The following SCN3A variants were observed in gnomAD, a reference collection of about 807,000 sequenced individuals.
SCN3A encodes the protein sodium channel protein type 3 subunit alpha.
In SCN3A, 60 loss-of-function variants were observed where a neutral mutation model predicts 187.6. The ratio of observed to expected loss-of-function variants is 0.32; its 90% CI spans 0.26 to 0.40. The LOEUF (loss-of-function observed/expected upper bound fraction) is 0.40. SCN3A is among the 10% of genes least tolerant of loss of function. The pLI, the probability that SCN3A is intolerant of heterozygous loss-of-function variation, is 1.00. For missense variants in SCN3A, 1,601 were observed against 2,428.2 expected (o/e 0.66, Z 7.16); for synonymous variants, 788 against 829.2 (o/e 0.95, Z 0.85).
rs187806800 is a variant in SCN3A, at chr2:165,133,348, T to C, written c.2392-1931A>G. Reference sequence around the variant, plus strand: ...ACATGCACACGTATGTTTATTTTCATTTTTTATTTTTATTATTTTTTTTTG... The same window carrying C: ...ACATGCACACGTATGTTTATTTTCACTTTTTATTTTTATTATTTTTTTTTG... On this transcript the variant is annotated intron_variant, in intron 15 of 27. Transcript: ENST00000283254. Among the ~76,000 whole-genome samples, 783 of 152,194 alleles carry C rather than the reference T, an allele frequency of 5.1e-3. 2 individuals carry two copies. The highest frequency in any genetic ancestry group is 0.018 in the African/African-American group (748 of 41,536).
chr2:165,193,182 G>T (rs1691719932), intron 1 of SCN3A, among the ~76,000 whole-genome samples: 1 of 152,012 alleles, frequency 6.6e-6, no homozygotes, highest in South Asian at 2.1e-4. Flanking sequence ...TCAAACCCAT[G>T]AACAAATGCA....
intron 18 of SCN3A, among the ~76,000 whole-genome samples, chr2:165,124,303 G>A (rs1221225102): frequency 2.0e-5 from 3 of 151,874 alleles, no homozygotes; most frequent in South Asian, 2.1e-4. Context: ...TTGAAATATC[G>A]GTGGTCATTA....
At chr2:165,100,225 T>A in intron 22 of SCN3A, 77 bp downstream of exon 22, 1 of 1,472,524 alleles carries the variant, frequency 6.8e-7, no homozygotes, top group Non-Finnish European at 9.5e-7. Context: ...ATCAGAAGAG[T>A]ATGGCACCCT....
intron 2 of SCN3A, among the ~76,000 whole-genome samples, chr2:165,177,466 T>G (rs185705416): frequency 1.3e-5 from 2 of 152,358 alleles, no homozygotes; most frequent in Admixed American, 6.5e-5. Flanking sequence ...AAGCACTATA[T>G]TATTGTAAAC....
rs1685157107 is a variant in SCN3A, at chr2:165,092,541, G to A, written c.4537-17C>T. 7 of 1,602,624 alleles carry A rather than the reference G, an allele frequency of 4.4e-6. No individual in the cohort carries two copies. The highest frequency in any genetic ancestry group is 3.4e-6 in the Non-Finnish European group (4 of 1,169,782). ...GAATTTGTTCTAGAAAGTGAGAGAA[G>A]AGAAATAAGGTTACTATATATATTT... On this transcript the variant is annotated splice_polypyrimidine_tract_variant and intron_variant, in intron 26 of 27. Transcript: ENST00000283254. The surrounding 1 kb of genome is among the most constrained non-coding windows in gnomAD (Gnocchi z 4.2).
chr2:165,173,880 C>T (rs1265568912), intron 3 of SCN3A, among the ~76,000 whole-genome samples: 1 of 152,110 alleles, frequency 6.6e-6, no homozygotes, highest in Non-Finnish European at 1.5e-5. Context: ...CTAGATGTCT[C>T]GCAAGATGGT....
Position 165,092,589 on chromosome 2 carries a change from T to A in SCN3A, c.4537-65A>T. ...TTTCATAAAGAATAATGCAGTAAAA[T>A]TGTAGATAAAGCCCTTCCACATACG... On this transcript the variant is annotated intron_variant, in intron 26 of 27. Transcript: ENST00000283254. This position sits in a 1 kb window ranked among gnomAD's most constrained non-coding sequence, Gnocchi z 4.2. 2.0e-6 allele frequency: 3 copies of A among 1,491,568 alleles called. No individual in the cohort carries two copies. Among genetic ancestry groups the A allele is most frequent in the South Asian group, 1.1e-5 (1 of 87,250 alleles). The allele number at this position is 1,491,568 out of a possible 1,614,324, so 92.4% of individuals were successfully genotyped here. A position where few individuals can be genotyped will look rare whatever the true frequency, so the allele number is the denominator to read the frequency against.
At chr2:165,099,886 G>A (rs983121751) in intron 22 of SCN3A, among the ~76,000 whole-genome samples, 19 of 152,290 alleles carry the variant, frequency 1.2e-4, no homozygotes, top group African/African-American at 4.1e-4. Context: ...AAGAAGCAAA[G>A]CACACAAAAC....
rs1278301329 is a variant in SCN3A, at chr2:165,131,249, T to G, written c.2560A>C (p.Arg854=). 2 of 1,584,064 alleles carry G rather than the reference T, an allele frequency of 1.3e-6. No individual in the cohort carries two copies. Among genetic ancestry groups the G allele is most frequent in the Non-Finnish European group, 1.7e-6 (2 of 1,162,270 alleles). The change falls in exon 16 of 28, where the codon AGA becomes CGA. Residue 854 remains arginine (R), a synonymous_variant. Transcript: ENST00000283254. ...VEGLSVLRSF[R]LLRVFKLAKS... is the part of the protein sequence containing the mutation. The stretch of plus-strand genomic sequence containing the variant: ...GGATATATATAAATAGATACCAGTC[T>G]GAATGATCGCAGTACAGACAATCCC...
chr2:165,107,602 T>G (rs779259767), intron 21 of SCN3A, among the ~76,000 whole-genome samples: 16 of 152,244 alleles, frequency 1.1e-4, no homozygotes, highest in African/African-American at 1.7e-4. Flanking sequence ...ATCTCATTGC[T>G]TTCATTCACC....
intron 18 of SCN3A, among the ~76,000 whole-genome samples, 190 bp downstream of exon 18, chr2:165,127,441 T>C (rs575515634): frequency 6.6e-6 from 1 of 152,352 alleles, no homozygotes; most frequent in East Asian, 1.9e-4. Flanking sequence ...TTTAATTTCC[T>C]GTGAAAAATT....
chr2:165,146,349 A>G (rs991931601), intron 12 of SCN3A, among the ~76,000 whole-genome samples: 1 of 151,350 alleles, frequency 6.6e-6, no homozygotes, highest in African/African-American at 2.4e-5. Flanking sequence ...ACTCTCATTG[A>G]AAAGTCTGCT....
Position 165,112,315 on chromosome 2 carries a change from T to C in SCN3A, c.3843+570A>G, listed in dbSNP as rs552785088. On this transcript the variant is annotated intron_variant, in intron 21 of 27. Transcript: ENST00000283254. ...CAGAACAGACCTACACCTAACTCTT[T>C]GCATGGTAAATACCTGATTAGCTAT... Among the ~76,000 whole-genome samples the C allele has an allele frequency of 8.5e-5, 13 of 152,352 alleles. 1 individual carries two copies. In the South Asian group the frequency reaches 2.7e-3, roughly 32 times the overall value.
chr2:165,089,515 T>A lies in SCN3A; in HGVS notation c.*635A>T, dbSNP rs1684977799. 1 of 152,808 alleles carries A rather than the reference T, an allele frequency of 6.5e-6. No homozygotes were observed. Among genetic ancestry groups the A allele is most frequent in the Non-Finnish European group, 1.5e-5 (1 of 68,206 alleles). 9.5% of individuals were successfully genotyped at this position (152,808 alleles called of 1,614,324 possible). A position where few individuals can be genotyped will look rare whatever the true frequency, so the allele number is the denominator to read the frequency against. On this transcript the variant is annotated 3_prime_UTR_variant, in exon 28 of 28. Coordinates refer to ENST00000283254, the MANE Select transcript of SCN3A (RefSeq NM_006922.4). ...AGGAGACTTTACAGGCACATAACTG[T>A]TCAGATAGAAACAAACATAACAGAC...
At chr2:165,172,744 C>A (rs149233929) in intron 3 of SCN3A, among the ~76,000 whole-genome samples, 1 of 152,234 alleles carries the variant, frequency 6.6e-6, no homozygotes, top group Non-Finnish European at 1.5e-5. Context: ...CAAGATTAGC[C>A]TTCGTAGTAC....
chr2:165,172,477 G>A (rs1476181338), intron 3 of SCN3A, among the ~76,000 whole-genome samples: 3 of 152,214 alleles, frequency 2.0e-5, no homozygotes, highest in Admixed American at 2.0e-4. Flanking sequence ...GGTTGCCTTG[G>A]AGTCACAAGA....
intron 18 of SCN3A, among the ~76,000 whole-genome samples, chr2:165,124,143 G>A (rs957843044): frequency 1.2e-4 from 18 of 152,028 alleles, no homozygotes; most frequent in African/African-American, 4.1e-4. Flanking sequence ...TGAAAGAGGA[G>A]GATAAAGTAG....
At chr2:165,112,003 A>C (rs1686141782) in intron 21 of SCN3A, among the ~76,000 whole-genome samples, 1 of 152,222 alleles carries the variant, frequency 6.6e-6, no homozygotes, top group African/African-American at 2.4e-5. Flanking sequence ...AAAAAGAACG[A>C]GGCACACATA....
intron 18 of SCN3A, among the ~76,000 whole-genome samples, chr2:165,124,176 C>T (rs1686856063): frequency 6.6e-6 from 1 of 152,102 alleles, no homozygotes; most frequent in Admixed American, 6.5e-5. Context: ...CCCCATAAGA[C>T]ATTTTTGTTC....
Sources: allele counts gnomAD v4.1 joint callset (sites outside exome capture counted in the v4.1 genomes callset), GRCh38; gene constraint gnomAD v4.1.1; non-coding constraint Gnocchi (gnomAD v3.1); transcripts MANE v1.5; gene names NCBI Gene and HGNC (gene_info 2026-07-23, HGNC 2026-07-21).